SNTG1: variants seen among roughly 807,000 people sequenced by gnomAD.
SNTG1 encodes syntrophin gamma 1.
SNTG1 carries 39 observed loss-of-function variants against 74.7 expected under a neutral mutation model. The observed-to-expected ratio is 0.52, with a 90% CI of 0.40 to 0.68. The LOEUF is 0.68. SNTG1 is among the 30% of genes least tolerant of loss of function. SNTG1 has a pLI of 0.00. For synonymous variants in SNTG1, 254 were observed against 217.1 expected, an observed-to-expected ratio of 1.17 and a Z score of -1.49; for missense variants, 685 against 609.5, an observed-to-expected ratio of 1.12 and a Z score of -1.30.
intron 17 of SNTG1, among the ~76,000 whole-genome samples, chr8:50,730,047 G>A (rs2095509365): frequency 6.6e-6 from 1 of 152,066 alleles, no homozygotes; most frequent in Non-Finnish European, 1.5e-5. Context: ...GAAAAAATGA[G>A]AGCGATTGGG....
At chr8:50,617,323 C>A (rs1218665668) in intron 13 of SNTG1, among the ~76,000 whole-genome samples, 3 of 151,212 alleles carry the variant, frequency 2.0e-5, no homozygotes, top group African/African-American at 4.9e-5. Context: ...GCAAATGAAT[C>A]TTGGCATGCA....
chr8:50,342,075 G>A (rs569858946), intron 2 of SNTG1, among the ~76,000 whole-genome samples: 22 of 152,054 alleles, frequency 1.4e-4, no homozygotes, highest in African/African-American at 5.1e-4. Context: ...GTGTACAGTA[G>A]CAATTTTGTC....
At chr8:50,100,510 C>A (rs552468524) in intron 1 of SNTG1, among the ~76,000 whole-genome samples, 164 of 152,052 alleles carry the variant, frequency 1.1e-3, no homozygotes, top group Admixed American at 2.3e-3. Context: ...CTGTATGTAT[C>A]AAAACATCAC....
intron 2 of SNTG1, among the ~76,000 whole-genome samples, chr8:50,259,129 G>C (rs929682327): frequency 6.6e-6 from 1 of 152,066 alleles, no homozygotes; most frequent in Non-Finnish European, 1.5e-5. Context: ...TGAAGTCAGC[G>C]TAATGACATA....
intron 13 of SNTG1, among the ~76,000 whole-genome samples, chr8:50,625,686 T>C (rs1431050312): frequency 6.6e-6 from 1 of 152,212 alleles, no homozygotes; most frequent in East Asian, 1.9e-4. Context: ...ATCCCATCAC[T>C]TTGTTTCAGT....
intron 1 of SNTG1, among the ~76,000 whole-genome samples, chr8:50,061,794 G>A (rs1192949732): frequency 1.3e-5 from 2 of 151,968 alleles, no homozygotes; most frequent in Non-Finnish European, 2.9e-5. Context: ...TTATTGTCTT[G>A]TTATTGATAT....
chr8:50,565,327 C>T (rs1049660124), intron 12 of SNTG1, among the ~76,000 whole-genome samples: 3 of 151,944 alleles, frequency 2.0e-5, no homozygotes, highest in African/African-American at 7.2e-5. Flanking sequence ...TATGGACTTT[C>T]GTTAATATTA....
intron 1 of SNTG1, among the ~76,000 whole-genome samples, chr8:50,016,661 A>C (rs1262339263): frequency 1.3e-5 from 2 of 152,154 alleles, no homozygotes; most frequent in African/African-American, 2.4e-5. Flanking sequence ...TTTGAACTTG[A>C]ATAAGAAAAT....
rs573878486 is a variant in SNTG1 at position 50,170,161 on chromosome 8, C to T, written c.-102-2400C>T. ...GCTATAGAGACCAGGAGCGGACCAG[C>T]CTCAGTGACGACAGCATGTTGTTCT... On this transcript the variant is annotated intron_variant, in intron 1 of 18. Coordinates refer to ENST00000642720, the MANE Select transcript of SNTG1 (RefSeq NM_018967.5). 6.2e-4 allele frequency among the ~76,000 whole-genome samples: 94 copies of T among 152,252 alleles called. 1 individual carries two copies. In the South Asian group the frequency reaches 0.019, roughly 31 times the overall value.
At chr8:50,034,862 C>T (rs11990760) in intron 1 of SNTG1, among the ~76,000 whole-genome samples, 40 of 152,268 alleles carry the variant, frequency 2.6e-4, no homozygotes, top group African/African-American at 9.1e-4. Flanking sequence ...AGCAATTCAC[C>T]TCATTTTCTG....
intron 2 of SNTG1, among the ~76,000 whole-genome samples, chr8:50,310,995 A>T (rs911245900): frequency 6.6e-6 from 1 of 152,192 alleles, no homozygotes; most frequent in Non-Finnish European, 1.5e-5. Context: ...TTATTTCAAG[A>T]TCACACAGCT....
At chr8:50,143,013 G>A (rs1467917479) in intron 1 of SNTG1, among the ~76,000 whole-genome samples, 1 of 152,044 alleles carries the variant, frequency 6.6e-6, no homozygotes, top group African/African-American at 2.4e-5. Context: ...GATGGATGTT[G>A]CAATAAGTCG....
At chr8:50,029,628 T>C (rs1817576090) in intron 1 of SNTG1, among the ~76,000 whole-genome samples, 1 of 152,164 alleles carries the variant, frequency 6.6e-6, no homozygotes, top group African/African-American at 2.4e-5. Context: ...GCCTTGCTCA[T>C]TTCACCTAAC....
At chr8:50,447,098 C>T (rs981376469) in intron 5 of SNTG1, among the ~76,000 whole-genome samples, 3 of 151,984 alleles carry the variant, frequency 2.0e-5, no homozygotes, top group African/African-American at 7.3e-5. Flanking sequence ...GAAAGTGAAA[C>T]ACAAATAAGC....
chr8:50,443,426 T>C (rs2093376676), intron 5 of SNTG1, among the ~76,000 whole-genome samples: 1 of 152,196 alleles, frequency 6.6e-6, no homozygotes, highest in Non-Finnish European at 1.5e-5. Context: ...AGGTGATTTC[T>C]ATTTGGAAGA....
In SNTG1 at chr8:50,708,775, T is replaced by C. The variant is rs1025227464; in HGVS notation, c.1192-111T>C. 6.5e-6 allele frequency: 4 copies of C among 611,358 alleles called. No homozygotes were observed. In the African/African-American group the frequency reaches 7.4e-5, roughly 11 times the overall value. 37.9% of individuals were successfully genotyped at this position (611,358 alleles called of 1,614,324 possible). On this transcript the variant is annotated intron_variant, in intron 16 of 18. Transcript: ENST00000642720. The stretch of plus-strand genomic sequence containing the variant: ...CCCTTCTTTATACAATTATTGTTAA[T>C]ATTAAATTAGATATTGTATGAAGTA...
chr8:50,618,296 T>G (rs1186534874), intron 13 of SNTG1, among the ~76,000 whole-genome samples: 1 of 152,246 alleles, frequency 6.6e-6, no homozygotes, highest in Non-Finnish European at 1.5e-5. Context: ...TATTTCATTT[T>G]CACCAAGCAA....
intron 15 of SNTG1, among the ~76,000 whole-genome samples, chr8:50,702,779 G>A (rs1222157619): frequency 1.3e-5 from 2 of 152,166 alleles, no homozygotes; most frequent in East Asian, 1.9e-4. Context: ...ACTGCACAGC[G>A]AGGTTATACA....
intron 10 of SNTG1, among the ~76,000 whole-genome samples, chr8:50,534,629 A>G (rs1323843905): frequency 6.6e-6 from 1 of 152,002 alleles, no homozygotes; most frequent in Non-Finnish European, 1.5e-5. Context: ...AAAAATACAA[A>G]AATTAGTCAG....
Sources: allele counts gnomAD v4.1 joint callset (sites outside exome capture counted in the v4.1 genomes callset), GRCh38; gene constraint gnomAD v4.1.1; transcripts MANE v1.5; gene names NCBI Gene and HGNC (gene_info 2026-07-23, HGNC 2026-07-21).